ERLIN1: variants seen among roughly 807,000 people sequenced by gnomAD.
The protein encoded by ERLIN1 is erlin-1.
A neutral mutation model predicts 46.9 loss-of-function variants in ERLIN1; 24 were observed. The observed-to-expected ratio is 0.51, with a 90% CI of 0.37 to 0.72. ERLIN1 has a LOEUF of 0.72. ERLIN1 is among the 30% of genes least tolerant of loss of function. The pLI is 0.00. For missense variants in ERLIN1, 293 were observed against 417.9 expected, an observed-to-expected ratio of 0.70 and a Z score of 2.61; for synonymous variants, 158 against 143.2, an observed-to-expected ratio of 1.10 and a Z score of -0.74.
chr10:100,170,017 C>CAA, intron 6 of ERLIN1, among the ~76,000 whole-genome samples: 1 of 151,580 alleles, frequency 6.6e-6, no homozygotes, highest in Admixed American at 6.6e-5. Flanking sequence ...GACCCTGTCT[C>CAA]AAAACAAAAC....
In ERLIN1 at chr10:100,150,256, TG is replaced by T. The variant is rs11308859; in HGVS notation, c.*1874del. 0.55 allele frequency: 83,424 copies of T among 152,104 alleles called. 23,832 individuals are homozygous for T. Among genetic ancestry groups the T allele is most frequent in the African/African-American group, 0.72 (29,697 of 41,440 alleles). 9.4% of individuals were successfully genotyped at this position (152,104 alleles called of 1,614,324 possible). A position where few individuals can be genotyped will look rare whatever the true frequency, so the allele number is the denominator to read the frequency against. ...CACAGGGAGGCACACTCCTCACACA[TG>T]GGAGTTTAAGCAGAAGTGCTTTAAG... is the stretch of plus-strand genomic sequence containing the variant. On this transcript the variant is annotated 3_prime_UTR_variant, in exon 11 of 11. Coordinates refer to ENST00000421367, the MANE Select transcript of ERLIN1 (RefSeq NM_006459.4).
intron 10 of ERLIN1, 43 bp from the exon 11 acceptor site, chr10:100,152,395 G>A: frequency 2.8e-6 from 3 of 1,085,908 alleles, no homozygotes; most frequent in Non-Finnish European, 2.9e-6. Flanking sequence ...GAATACTCTG[G>A]TGCAACAGTC....
At chr10:100,156,736 G>A (rs1843100473) in intron 8 of ERLIN1, among the ~76,000 whole-genome samples, 1 of 152,202 alleles carries the variant, frequency 6.6e-6, no homozygotes, top group Non-Finnish European at 1.5e-5. Flanking sequence ...AGAAGGGCCA[G>A]TCATGGTGAT....
chr10:100,182,396 T>C lies in ERLIN1; in HGVS notation c.195+1360A>G, dbSNP rs540505257. On this transcript the variant is annotated intron_variant, in intron 2 of 10. Coordinates refer to ENST00000421367, the MANE Select transcript of ERLIN1 (RefSeq NM_006459.4). ...ACATTATTATAGATTGTTTCGGCTG[T>C]TGATGAGGTTATGTAATTAAAATTC... Among the ~76,000 whole-genome samples the C allele has an allele frequency of 2.6e-3, 396 of 152,226 alleles. 1 individual carries two copies. The highest frequency in any genetic ancestry group is 3.3e-3 in the Non-Finnish European group (225 of 68,004).
At chr10:100,170,266 A>G (rs994297557) in intron 6 of ERLIN1, among the ~76,000 whole-genome samples, 1 of 152,244 alleles carries the variant, frequency 6.6e-6, no homozygotes, top group African/African-American at 2.4e-5. Context: ...CATTCCAACT[A>G]TTGTAAAAAA....
At chr10:100,181,791 G>A (rs1028088299) in intron 2 of ERLIN1, among the ~76,000 whole-genome samples, 2 of 152,148 alleles carry the variant, frequency 1.3e-5, no homozygotes, top group Non-Finnish European at 2.9e-5. Flanking sequence ...TGGGATTACA[G>A]GCGTGAGCCG....
intron 8 of ERLIN1, among the ~76,000 whole-genome samples, chr10:100,159,888 G>A (rs1843271700): frequency 6.7e-6 from 1 of 148,890 alleles, no homozygotes. Flanking sequence ...AAAGATGGAA[G>A]GAAATATTTT....
In ERLIN1 at chr10:100,154,131, AC is replaced by A. The variant is rs1842945839; in HGVS notation, c.825+728del. On this transcript the variant is annotated intron_variant, in intron 10 of 10. Coordinates refer to ENST00000421367, the MANE Select transcript of ERLIN1 (RefSeq NM_006459.4). ...CGATAACCTTATAAATCTTGGACAT[AC>A]CCTTCCCTTCTCAGAATACTATCGG... is the stretch of plus-strand genomic sequence containing the variant. 2.6e-5 allele frequency among the ~76,000 whole-genome samples: 4 copies of A among 152,202 alleles called. No individual in the cohort carries two copies. In the East Asian group the frequency reaches 7.7e-4, roughly 29 times the overall value.
In ERLIN1 at chr10:100,172,634, C is replaced by T. The variant is rs570144009; in HGVS notation, c.504+1574G>A. ...ATCAAAGGGAGATATAATTGCCCAC[C>T]CATCCATATGGTAACAATCAGTATG... On this transcript the variant is annotated intron_variant, in intron 6 of 10. Coordinates refer to ENST00000421367, the MANE Select transcript of ERLIN1 (RefSeq NM_006459.4). Among the ~76,000 whole-genome samples the T allele has an allele frequency of 1.9e-4, 29 of 152,194 alleles. No homozygotes were observed. The South Asian group carries it at 2.3e-3, about 12-fold the overall frequency.
intron 5 of ERLIN1, 144 bp from the exon 6 acceptor site, chr10:100,174,425 C>A: frequency 1.7e-6 from 1 of 591,568 alleles, no homozygotes; most frequent in Non-Finnish European, 3.0e-6. Flanking sequence ...CTTTTCTTCC[C>A]TTTTGTGTGG....
chr10:100,183,429 C>G (rs1299383165), intron 2 of ERLIN1, among the ~76,000 whole-genome samples: 1 of 152,176 alleles, frequency 6.6e-6, no homozygotes, highest in Non-Finnish European at 1.5e-5. Flanking sequence ...ACCACATAAT[C>G]ACTGGTTTGT....
intron 5 of ERLIN1, 41 bp from the exon 6 acceptor site, chr10:100,174,322 A>ATT (rs3835272): frequency 2.9e-6 from 4 of 1,398,916 alleles, no homozygotes; most frequent in Admixed American, 3.9e-5. Context: ...ATGATAGTCA[A>ATT]TTTTTTTTAC....
At chr10:100,163,063 T>G (rs1843445224) in intron 8 of ERLIN1, among the ~76,000 whole-genome samples, 3 of 152,114 alleles carry the variant, frequency 2.0e-5, no homozygotes, top group Admixed American at 2.0e-4. Context: ...ATAAACGATC[T>G]ACCATCTCAC....
chr10:100,164,984 T>C (rs1311198462), intron 7 of ERLIN1, among the ~76,000 whole-genome samples: 1 of 152,180 alleles, frequency 6.6e-6, no homozygotes, highest in Admixed American at 6.5e-5. Flanking sequence ...TTCCAGAATC[T>C]TTACAAATCC....
At position 100,167,339 on chromosome 10, in the gene ERLIN1, A is replaced by G; in HGVS notation, c.563+9T>C. ...ACAGAAATATTGGGATCCCATGCAT[A>G]TTACTCACATTAACTCAAAATTTCT... On this transcript the variant is annotated intron_variant, in intron 7 of 10. Coordinates refer to ENST00000421367, the MANE Select transcript of ERLIN1 (RefSeq NM_006459.4). 1 of 1,600,098 alleles carries G rather than the reference A, an allele frequency of 6.2e-7. No homozygotes were observed. Among genetic ancestry groups the G allele is most frequent in the Non-Finnish European group, 8.6e-7 (1 of 1,167,516 alleles).
chr10:100,175,123 C>T (rs973306659), intron 5 of ERLIN1, among the ~76,000 whole-genome samples: 11 of 152,182 alleles, frequency 7.2e-5, no homozygotes, highest in African/African-American at 2.7e-4. Context: ...CTTCCACTAT[C>T]ATAAATGAAA....
intron 2 of ERLIN1, among the ~76,000 whole-genome samples, chr10:100,180,204 T>C (rs866875520): frequency 3.6e-4 from 55 of 152,224 alleles, no homozygotes; most frequent in African/African-American, 1.1e-3. Context: ...CCAGAATGAA[T>C]GACTTCCTGC....
In ERLIN1 at chr10:100,185,999, C is replaced by G. The variant is rs1356001951; in HGVS notation, c.-373G>C. On this transcript the variant is annotated 5_prime_UTR_variant, in exon 1 of 11. Coordinates refer to ENST00000421367, the MANE Select transcript of ERLIN1 (RefSeq NM_006459.4). ...CATCGCCCCCGCCCGCACGTGCAGCCGACTCCCGCGCCGAGCCAACCGCCG... is the reference window on the plus strand; with the variant it reads ...CATCGCCCCCGCCCGCACGTGCAGCGGACTCCCGCGCCGAGCCAACCGCCG... 2.4e-6 allele frequency: 1 copy of G among 424,562 alleles called. No individual in the cohort carries two copies. The highest frequency in any genetic ancestry group is 2.1e-5 in the African/African-American group (1 of 48,720). The allele number at this position is 424,562 out of a possible 1,614,324, so 26.3% of individuals were successfully genotyped here.
At chr10:100,167,881 T>G (rs1843734343) in intron 6 of ERLIN1, among the ~76,000 whole-genome samples, 1 of 152,240 alleles carries the variant, frequency 6.6e-6, no homozygotes, top group African/African-American at 2.4e-5. Flanking sequence ...TAAATTAATC[T>G]ATCACTTCCA....
Sources: allele counts gnomAD v4.1 joint callset (sites outside exome capture counted in the v4.1 genomes callset), GRCh38; gene constraint gnomAD v4.1.1; transcripts MANE v1.5; gene names NCBI Gene and HGNC (gene_info 2026-07-23, HGNC 2026-07-21).